Variants in BAZ1A observed in about 807,000 individuals in gnomAD.
BAZ1A encodes the protein bromodomain adjacent to zinc finger domain protein 1A.
A neutral mutation model predicts 185.2 loss-of-function variants in BAZ1A; 50 were observed. That is an observed-to-expected ratio of 0.27 (90% CI 0.22 to 0.34). The LOEUF is 0.34. Ranked by LOEUF, BAZ1A falls within the 10% of genes least tolerant of loss-of-function variation. The pLI, the probability that BAZ1A is intolerant of heterozygous loss-of-function variation, is 1.00. For synonymous variants in BAZ1A, 571 were observed against 615.6 expected (o/e 0.93, Z 1.07); for missense variants, 1,356 against 1,839.9 (o/e 0.74, Z 4.81).
chr14:34,787,243 C>T (rs1190007966), intron 12 of BAZ1A, among the ~76,000 whole-genome samples: 1 of 149,428 alleles, frequency 6.7e-6, no homozygotes, highest in Non-Finnish European at 1.5e-5. Context: ...GTCCCAGCTA[C>T]TCGGGAGGCT....
At chr14:34,788,860 A>G (rs1052079671) in intron 12 of BAZ1A, among the ~76,000 whole-genome samples, 1 of 152,102 alleles carries the variant, frequency 6.6e-6, no homozygotes, top group African/African-American at 2.4e-5. Flanking sequence ...TTAGCCTTCT[A>G]CTATATGACT....
At chr14:34,866,182 T>C (rs1211900796) in intron 2 of BAZ1A, among the ~76,000 whole-genome samples, 1 of 151,832 alleles carries the variant, frequency 6.6e-6, no homozygotes, top group Non-Finnish European at 1.5e-5. Context: ...AGCACAACCC[T>C]GTTTCTTAAA....
chr14:34,768,258 A>C (rs952768362), intron 21 of BAZ1A, among the ~76,000 whole-genome samples: 2 of 152,160 alleles, frequency 1.3e-5, no homozygotes, highest in Admixed American at 6.5e-5. Context: ...TTCAATGGCC[A>C]CTATACAGTA....
intron 2 of BAZ1A, among the ~76,000 whole-genome samples, chr14:34,872,148 T>A (rs1216848165): frequency 6.6e-6 from 1 of 152,194 alleles, no homozygotes; most frequent in African/African-American, 2.4e-5. Flanking sequence ...CAAATACCTT[T>A]GCTCCCAAAC....
chr14:34,838,387 T>A (rs1409607492), intron 3 of BAZ1A, among the ~76,000 whole-genome samples: 1 of 152,146 alleles, frequency 6.6e-6, no homozygotes, highest in Non-Finnish European at 1.5e-5. Context: ...TTTCAGAAAA[T>A]TGAAAATCTG....
chr14:34,780,490 A>G (rs187044686), intron 16 of BAZ1A, among the ~76,000 whole-genome samples, 180 bp from the exon 17 acceptor site: 2 of 152,338 alleles, frequency 1.3e-5, no homozygotes, highest in Admixed American at 1.3e-4. Flanking sequence ...AAAATATGTA[A>G]TAAGTACTAA....
At chr14:34,764,284 CTTTTCTTTTTTTT>C (rs1878659158) in intron 23 of BAZ1A, among the ~76,000 whole-genome samples, 1 of 120,216 alleles carries the variant, frequency 8.3e-6, no homozygotes, top group Non-Finnish European at 1.7e-5. Flanking sequence ...TTTCTTTTTT[CTTTTCTTTTTTTT>C]TTTTTTTTTT....
chr14:34,784,367 CAAA>C (rs368815964), intron 14 of BAZ1A, among the ~76,000 whole-genome samples: 9 of 77,176 alleles, frequency 1.2e-4, no homozygotes, highest in South Asian at 4.5e-4. Context: ...GACTCTGTCT[CAAA>C]AAAAAAAAAA....
chr14:34,862,353 C>G, intron 2 of BAZ1A, 31 bp from the exon 3 acceptor site: 1 of 1,563,186 alleles, frequency 6.4e-7, no homozygotes. Context: ...AAAACAAAAG[C>G]CCATTACCTA....
At chr14:34,796,699 T>C (rs1881218514) in intron 9 of BAZ1A, among the ~76,000 whole-genome samples, 2 of 152,246 alleles carry the variant, frequency 1.3e-5, no homozygotes, top group African/African-American at 4.8e-5. Flanking sequence ...TTTTTTCCAG[T>C]AAGTATACTT....
At chr14:34,811,123 A>G (rs1384980899) in intron 4 of BAZ1A, 87 bp from the exon 5 acceptor site, 4 of 950,990 alleles carry the variant, frequency 4.2e-6, no homozygotes, top group Admixed American at 2.8e-5. Flanking sequence ...AGAATATACT[A>G]TAATAAAATC....
At chr14:34,782,802 G>A (rs1364437782) in intron 16 of BAZ1A, among the ~76,000 whole-genome samples, 1 of 152,072 alleles carries the variant, frequency 6.6e-6, no homozygotes, top group Non-Finnish European at 1.5e-5. Flanking sequence ...AAATACTTGG[G>A]TATCTCTAAA....
intron 21 of BAZ1A, among the ~76,000 whole-genome samples, chr14:34,767,896 A>G (rs1431108304): frequency 1.3e-5 from 2 of 152,166 alleles, no homozygotes; most frequent in African/African-American, 4.8e-5. Flanking sequence ...GTGAAATGCT[A>G]TGGGATTTGA....
chr14:34,759,193 T>TTTTG (rs1886415225), intron 24 of BAZ1A, among the ~76,000 whole-genome samples: 3 of 130,690 alleles, frequency 2.3e-5, no homozygotes, highest in Admixed American at 7.6e-5. Flanking sequence ...TTTTTTTTTT[T>TTTTG]TTTTTGAGAT....
chr14:34,859,157 A>G (rs1178833436), intron 3 of BAZ1A, among the ~76,000 whole-genome samples: 1 of 152,212 alleles, frequency 6.6e-6, no homozygotes, highest in East Asian at 1.9e-4. Context: ...GATCCACAGA[A>G]AAGGCCAGGT....
intron 4 of BAZ1A, among the ~76,000 whole-genome samples, chr14:34,820,085 T>TG (rs2042063567): frequency 1.3e-5 from 2 of 151,940 alleles, no homozygotes; most frequent in African/African-American, 4.8e-5. Flanking sequence ...GTGAGGTATC[T>TG]GTTCAGATCT....
At chr14:34,817,162 A>G (rs1169085817) in intron 4 of BAZ1A, among the ~76,000 whole-genome samples, 1 of 152,226 alleles carries the variant, frequency 6.6e-6, no homozygotes, top group Non-Finnish European at 1.5e-5. Context: ...ATCCAGTCCT[A>G]TTAAATAATA....
At chr14:34,768,789 A>T in intron 21 of BAZ1A, 1 of 418,622 alleles carries the variant, frequency 2.4e-6, no homozygotes, top group South Asian at 1.8e-5. Context: ...ACCTAATTTC[A>T]AACTGATATA....
intron 4 of BAZ1A, among the ~76,000 whole-genome samples, chr14:34,818,835 T>G (rs1308901285): frequency 6.6e-6 from 1 of 152,016 alleles, no homozygotes; most frequent in Non-Finnish European, 1.5e-5. Context: ...GTTGCTAAAT[T>G]AATCTATGAT....
Sources: allele counts gnomAD v4.1 joint callset (sites outside exome capture counted in the v4.1 genomes callset), GRCh38; gene constraint gnomAD v4.1.1; transcripts MANE v1.5; gene names NCBI Gene and HGNC (gene_info 2026-07-23, HGNC 2026-07-21).